Variants in ASB5 observed in about 807,000 individuals in gnomAD.
ASB5 encodes ankyrin repeat and SOCS box protein 5.
In ASB5, 45 loss-of-function variants were observed where a neutral mutation model predicts 42.1. The ratio of observed to expected loss-of-function variants is 1.07; its 90% CI spans 0.84 to 1.37. ASB5 has a LOEUF of 1.37. Ranked by LOEUF, ASB5 falls within the 40% of genes most tolerant of loss-of-function variation. The probability of loss-of-function intolerance (pLI) is 0.00; values close to 1 mark genes in which losing one functional copy is unlikely to be tolerated. For missense variants in ASB5, 402 were observed against 399.8 expected, an observed-to-expected ratio of 1.01 and a Z score of -0.05; for synonymous variants, 147 against 150.6, an observed-to-expected ratio of 0.98 and a Z score of 0.18.
At chr4:176,219,143 T>G (rs1380241645) in intron 5 of ASB5, among the ~76,000 whole-genome samples, 1 of 120,102 alleles carries the variant, frequency 8.3e-6, no homozygotes, top group Non-Finnish European at 1.6e-5. Context: ...GTATGATATA[T>G]AAATATATAT....
At chr4:176,238,729 T>C (rs2126961257) in intron 1 of ASB5, among the ~76,000 whole-genome samples, 1 of 152,284 alleles carries the variant, frequency 6.6e-6, no homozygotes, top group South Asian at 2.1e-4. Flanking sequence ...GGGGTTATTG[T>C]CTTCATGTAA....
At chr4:176,247,817 G>A (rs561841611) in intron 1 of ASB5, among the ~76,000 whole-genome samples, 3 of 152,268 alleles carry the variant, frequency 2.0e-5, no homozygotes, top group Admixed American at 6.5e-5. Flanking sequence ...TAAATTAAGA[G>A]TTTCTGTTCA....
At chr4:176,231,734 A>G (rs1331286352) in intron 1 of ASB5, among the ~76,000 whole-genome samples, 1 of 151,912 alleles carries the variant, frequency 6.6e-6, no homozygotes, top group South Asian at 2.1e-4. Flanking sequence ...AATGCCAGCT[A>G]CTAGGGAAGT....
intron 1 of ASB5, among the ~76,000 whole-genome samples, chr4:176,262,886 T>G (rs10019635): frequency 0.19 from 29,399 of 152,126 alleles, 3,013 homozygotes; most frequent in African/African-American, 0.24. Flanking sequence ...TCACCACCTA[T>G]GTCAATTTTT....
chr4:176,221,347 C>A, intron 4 of ASB5, 58 bp from the exon 5 acceptor site: 9 of 1,601,666 alleles, frequency 5.6e-6, no homozygotes, highest in Non-Finnish European at 6.8e-6. Context: ...CACACCTCAC[C>A]CCAGGCTTCC....
At chr4:176,235,790 G>T (rs1384438) in intron 1 of ASB5, among the ~76,000 whole-genome samples, 31,608 of 145,560 alleles carry the variant, frequency 0.22, 3,367 homozygotes, top group East Asian at 0.26. Flanking sequence ...GCTAAGACTT[G>T]TCTTTTTTTT....
At chr4:176,227,454 C>T (rs1004661063) in intron 1 of ASB5, among the ~76,000 whole-genome samples, 2 of 152,154 alleles carry the variant, frequency 1.3e-5, no homozygotes, top group Non-Finnish European at 2.9e-5. Context: ...GCTGGAGTAA[C>T]AACAATCTTA....
At chr4:176,275,062 A>C (rs1365241374) in intron 2 of ASB5, among the ~76,000 whole-genome samples, 1 of 151,826 alleles carries the variant, frequency 6.6e-6, no homozygotes, top group East Asian at 1.9e-4. Context: ...TTACAGGCGC[A>C]TGCCACCATG....
At chr4:176,265,277 C>A (rs1053909798) in intron 1 of ASB5, among the ~76,000 whole-genome samples, 2 of 152,154 alleles carry the variant, frequency 1.3e-5, no homozygotes, top group Non-Finnish European at 2.9e-5. Flanking sequence ...TAAATCCATG[C>A]CTTGCTCATT....
chr4:176,222,955 T>G (rs1007875083), intron 2 of ASB5, among the ~76,000 whole-genome samples: 1 of 151,894 alleles, frequency 6.6e-6, no homozygotes, highest in East Asian at 1.9e-4. Flanking sequence ...TTTTTTTGTA[T>G]TTTTAGTAGA....
In ASB5 at chr4:176,222,699, T is replaced by C. The variant is rs148746870; in HGVS notation, c.277-279A>G. Among the ~76,000 whole-genome samples the C allele has an allele frequency of 7.5e-3, 1,139 of 152,310 alleles. 34 individuals carry two copies. In the East Asian group the frequency reaches 0.09, roughly 12 times the overall value. ...ACATTTTCTTTAAATGTTGCTTTCT[T>C]AATATTTTTTTATCCTTATTTTGTA... On this transcript the variant is annotated intron_variant, in intron 2 of 6. Coordinates refer to ENST00000296525, the MANE Select transcript of ASB5 (RefSeq NM_080874.4).
intron 1 of ASB5, among the ~76,000 whole-genome samples, chr4:176,236,679 G>A (rs7684092): frequency 0.33 from 50,607 of 151,902 alleles, 8,985 homozygotes; most frequent in Non-Finnish European, 0.39. Context: ...TTACAATCTT[G>A]GGGGGCAAGA....
intron 1 of ASB5, among the ~76,000 whole-genome samples, chr4:176,234,330 T>C (rs1002310506): frequency 1.3e-5 from 2 of 152,174 alleles, no homozygotes; most frequent in Admixed American, 1.3e-4. Flanking sequence ...CATACTGGCC[T>C]CCTTGCTTTT....
chr4:176,219,668 G>A (rs866467353), intron 5 of ASB5, among the ~76,000 whole-genome samples: 37 of 139,474 alleles, frequency 2.7e-4, no homozygotes, highest in Admixed American at 5.6e-4. Flanking sequence ...TCCACCTCCC[G>A]GGTTCAAGTT....
chr4:176,260,572 T>C (rs1357241637), intron 1 of ASB5, among the ~76,000 whole-genome samples: 2 of 152,234 alleles, frequency 1.3e-5, no homozygotes, highest in Non-Finnish European at 2.9e-5. Flanking sequence ...AAAAAGCCAA[T>C]GGTCTGCTTT....
At chr4:176,231,732 C>T (rs964424979) in intron 1 of ASB5, among the ~76,000 whole-genome samples, 2 of 151,338 alleles carry the variant, frequency 1.3e-5, no homozygotes, top group Non-Finnish European at 2.9e-5. Context: ...TAAATGCCAG[C>T]TACTAGGGAA....
At chr4:176,236,047 A>G (rs1753676686) in intron 1 of ASB5, among the ~76,000 whole-genome samples, 1 of 152,168 alleles carries the variant, frequency 6.6e-6, no homozygotes, top group Admixed American at 6.5e-5. Context: ...GCATGTCGAA[A>G]AAAAATTGTA....
upstream of ASB5, among the ~76,000 whole-genome samples, chr4:176,272,506 T>C (rs967924966): frequency 6.6e-6 from 1 of 152,112 alleles, no homozygotes; most frequent in African/African-American, 2.4e-5. Flanking sequence ...CTCCCTGGCT[T>C]TCCTCCTGCT....
At chr4:176,252,057 C>T (rs1182876660) in intron 1 of ASB5, among the ~76,000 whole-genome samples, 1 of 121,146 alleles carries the variant, frequency 8.3e-6, no homozygotes, top group Non-Finnish European at 1.6e-5. Context: ...CAGAGCAAGA[C>T]CTTGTCTCAA....
Sources: gnomAD v4.1 joint callset for allele counts (sites outside exome capture counted in the v4.1 genomes callset) on GRCh38, gnomAD v4.1.1 for gene constraint, MANE v1.5 for transcripts, NCBI Gene and HGNC (gene_info 2026-07-23, HGNC 2026-07-21) for gene names.